The following SH3PXD2B variants were observed in gnomAD, a reference collection of about 807,000 sequenced individuals.
SH3PXD2B encodes SH3 and PX domain-containing protein 2B.
In SH3PXD2B, 37 loss-of-function variants were observed where a neutral mutation model predicts 73.1. The ratio of observed to expected loss-of-function variants is 0.51; its 90% confidence interval spans 0.39 to 0.67. SH3PXD2B has a LOEUF of 0.67. Among genes scored for constraint, SH3PXD2B ranks in the 30% least tolerant of loss-of-function variants. The probability of loss-of-function intolerance (pLI) is 0.00; values close to 1 mark genes in which losing one functional copy is unlikely to be tolerated. For synonymous variants in SH3PXD2B, 457 were observed against 480.5 expected (o/e 0.95, Z 0.64); for missense variants, 1,053 against 1,197.8 (o/e 0.88, Z 1.78).
At position 172,336,144 on chromosome 5, in the gene SH3PXD2B, T is replaced by G; in HGVS notation, c.*2225A>C. The stretch of plus-strand genomic sequence containing the variant: ...AGTCTACTCAGCACCTAGCACAGAG[T>G]AGACACTCACAAAGTATCTGAAAGC... On this transcript the variant is annotated 3_prime_UTR_variant, in exon 13 of 13. Coordinates refer to ENST00000311601, the MANE Select transcript of SH3PXD2B (RefSeq NM_001017995.3). The G allele has an allele frequency of 4.1e-6, 4 of 986,646 alleles. No homozygotes were observed. The highest frequency in any genetic ancestry group is 1.1e-4 in the East Asian group (1 of 8,844). The allele number at this position is 986,646 out of a possible 1,614,324, so 61.1% of individuals were successfully genotyped here. A position where few individuals can be genotyped will look rare whatever the true frequency, so the allele number is the denominator to read the frequency against.
At chr5:172,325,667 A>G (rs985005745) in intron 12 of SH3PXD2B, among the ~76,000 whole-genome samples, 1 of 152,176 alleles carries the variant, frequency 6.6e-6, no homozygotes, top group African/African-American at 2.4e-5. Context: ...GCTGAAACAC[A>G]CTTCCTCTGT....
chr5:172,339,352 T>C lies in SH3PXD2B; in HGVS notation c.1753A>G (p.Ser585Gly). 6.2e-7 allele frequency: 1 copy of C among 1,614,212 alleles called. No homozygotes were observed. Among genetic ancestry groups the C allele is most frequent in the African/African-American group, 1.3e-5 (1 of 75,058 alleles). Residue 585 changes from serine (S) to glycine (G), a missense_variant, in exon 13 of 13, where the codon AGC (serine) becomes GGC (glycine). Around this residue, in one of 2 missense-constraint regions of SH3PXD2B, gnomAD observed 587 missense variants for 590.7 expected, o/e 0.99. Transcript: ENST00000311601. The surrounding 1 kb of genome is among the most constrained non-coding windows in gnomAD (Gnocchi z 6.1). ...SRRPEPKPDK[S>G]RLFQLKNDMG... ...TCATTTTTCAGCTGGAACAGTCTGCTTTTGTCAGGTTTGGGCTCTGGCCTC... is the reference window on the plus strand; with the variant it reads ...TCATTTTTCAGCTGGAACAGTCTGCCTTTGTCAGGTTTGGGCTCTGGCCTC...
At chr5:172,416,690 CTCTCTCTTTTTTTTT>C (rs1758831092) in intron 2 of SH3PXD2B, among the ~76,000 whole-genome samples, 2 of 95,162 alleles carry the variant, frequency 2.1e-5, no homozygotes, top group South Asian at 3.7e-4. Context: ...CTCTCTCTCT[CTCTCTCTTTTTTTTT>C]TTTTTTTTTT....
chr5:172,335,806 T>A lies in SH3PXD2B; in HGVS notation c.*2563A>T, dbSNP rs979423272. 20 of 1,229,736 alleles carry A rather than the reference T, an allele frequency of 1.6e-5. No homozygotes were observed. Among genetic ancestry groups the A allele is most frequent in the Non-Finnish European group, 1.9e-5 (19 of 987,448 alleles). 76.2% of individuals were successfully genotyped at this position (1,229,736 alleles called of 1,614,324 possible). On this transcript the variant is annotated 3_prime_UTR_variant, in exon 13 of 13. Transcript: ENST00000311601. The stretch of plus-strand genomic sequence containing the variant: ...CCACTGCCTGGGGAAGTGTCTACCA[T>A]TGTAGGAAAAGGAGCTGGATACAGA...
intron 3 of SH3PXD2B, among the ~76,000 whole-genome samples, chr5:172,405,364 T>C (rs1758527726): frequency 6.6e-6 from 1 of 152,212 alleles, no homozygotes; most frequent in Non-Finnish European, 1.5e-5. Context: ...CCTGGATTAG[T>C]CAGGTAATAA....
chr5:172,362,019 TG>T (rs1357654842), intron 7 of SH3PXD2B, among the ~76,000 whole-genome samples: 1 of 152,132 alleles, frequency 6.6e-6, no homozygotes, highest in Non-Finnish European at 1.5e-5. Flanking sequence ...TTGCCTTCAA[TG>T]GGGTGCAATG....
chr5:172,439,667 TGTGC>T (rs1169726668), intron 1 of SH3PXD2B, among the ~76,000 whole-genome samples: 4 of 121,224 alleles, frequency 3.3e-5, no homozygotes, highest in Admixed American at 2.4e-4. Context: ...CAGGTATGTG[TGTGC>T]GTGCGTGCGC....
Position 172,421,601 on chromosome 5 carries a change from C to T in SH3PXD2B, c.156+815G>A, listed in dbSNP as rs1210000589. ...GCACAGAATGGGTGGCCCTCGCTGG[C>T]CAGGGAACAAAGGCAAGGTTTCCTA... On this transcript the variant is annotated intron_variant, in intron 2 of 12. Coordinates refer to ENST00000311601, the MANE Select transcript of SH3PXD2B (RefSeq NM_001017995.3). The surrounding 1 kb of genome is among the most constrained non-coding windows in gnomAD (Gnocchi z 4.0). Among the ~76,000 whole-genome samples the T allele has an allele frequency of 6.6e-6, 1 of 152,144 alleles. No individual in the cohort carries two copies. The highest frequency in any genetic ancestry group is 1.5e-5 in the Non-Finnish European group (1 of 68,042).
chr5:172,390,813 TTTTGTGTGTG>T lies in SH3PXD2B; in HGVS notation c.309+3740_309+3749del, dbSNP rs1413347656. On this transcript the variant is annotated intron_variant, in intron 4 of 12. Coordinates refer to ENST00000311601, the MANE Select transcript of SH3PXD2B (RefSeq NM_001017995.3). ...CTGTCTTCCAAAGTAGCTTCCCGTCTTTTGTGTGTGTGTGTGTGTGTGTGTGTGTGTGTGT... is the reference window on the plus strand; with the variant it reads ...CTGTCTTCCAAAGTAGCTTCCCGTCTTGTGTGTGTGTGTGTGTGTGTGTGT... 2.4e-3 allele frequency among the ~76,000 whole-genome samples: 275 copies of T among 116,858 alleles called. 3 individuals are homozygous for T. Among genetic ancestry groups the T allele is most frequent in the African/African-American group, 9.1e-3 (257 of 28,102 alleles). The allele number at this position is 116,858 out of a possible 152,430, so 76.7% of individuals were successfully genotyped here.
chr5:172,377,374 C>T (rs1158136860), intron 5 of SH3PXD2B, among the ~76,000 whole-genome samples: 1 of 152,190 alleles, frequency 6.6e-6, no homozygotes, highest in African/African-American at 2.4e-5. Flanking sequence ...CCCTCAAGTT[C>T]ACCATCCCTA....
At position 172,353,451 on chromosome 5, in the gene SH3PXD2B, T is replaced by C. The variant is rs1239479529; in HGVS notation, c.785+437A>G. ...GTGTTTGGAATGCAGACGCCCTGCT[T>C]TTACCATTGGACTTTGAGAGACGAG... On this transcript the variant is annotated intron_variant, in intron 9 of 12. Transcript: ENST00000311601. The surrounding 1 kb of genome is among the most constrained non-coding windows in gnomAD (Gnocchi z 4.3). 1.3e-5 allele frequency among the ~76,000 whole-genome samples: 2 copies of C among 152,178 alleles called. No homozygotes were observed. The highest frequency in any genetic ancestry group is 4.8e-5 in the African/African-American group (2 of 41,448).
chr5:172,377,648 G>A (rs1757846882), intron 5 of SH3PXD2B, among the ~76,000 whole-genome samples: 1 of 152,122 alleles, frequency 6.6e-6, no homozygotes, highest in Non-Finnish European at 1.5e-5. Context: ...TTTGTCCAAG[G>A]TCACACAGCT....
intron 3 of SH3PXD2B, among the ~76,000 whole-genome samples, chr5:172,396,198 C>CAA (rs571850981): frequency 1.1e-4 from 9 of 78,378 alleles, no homozygotes; most frequent in East Asian, 4.0e-4. Flanking sequence ...ACTAAAAATA[C>CAA]AAAAAAAAAA....
intron 2 of SH3PXD2B, among the ~76,000 whole-genome samples, chr5:172,413,909 A>C (rs1758757880): frequency 6.6e-6 from 1 of 152,208 alleles, no homozygotes; most frequent in South Asian, 2.1e-4. Context: ...ATTTGGATAA[A>C]TATGGTTGGT....
chr5:172,415,646 G>A (rs1039528777), intron 2 of SH3PXD2B, among the ~76,000 whole-genome samples: 18 of 152,176 alleles, frequency 1.2e-4, no homozygotes, highest in African/African-American at 3.4e-4. Flanking sequence ...AGTGACTGCC[G>A]ATATTGTTAC....
intron 2 of SH3PXD2B, among the ~76,000 whole-genome samples, chr5:172,418,809 C>A (rs1758884154): frequency 6.6e-6 from 1 of 152,168 alleles, no homozygotes; most frequent in Non-Finnish European, 1.5e-5. Flanking sequence ...GTCACGGCAA[C>A]CCCCCAGTTA....
intron 1 of SH3PXD2B, among the ~76,000 whole-genome samples, chr5:172,443,224 C>G (rs1290767560): frequency 6.6e-6 from 1 of 152,182 alleles, no homozygotes; most frequent in Non-Finnish European, 1.5e-5. Context: ...CACGCAACGA[C>G]TGTCAAGTAA....
chr5:172,347,483 A>T, intron 10 of SH3PXD2B, 151 bp from the exon 11 acceptor site: 1 of 782,718 alleles, frequency 1.3e-6, no homozygotes, highest in South Asian at 1.5e-5. Flanking sequence ...CTGGGCAGGA[A>T]GGAGCTGCTC....
In SH3PXD2B at chr5:172,447,440, T is replaced by C. The variant is rs185694728; in HGVS notation, c.75+6838A>G. Among the ~76,000 whole-genome samples the C allele has an allele frequency of 1.3e-4, 20 of 152,370 alleles. No homozygotes were observed. The East Asian group carries it at 2.5e-3, about 19-fold the overall frequency. On this transcript the variant is annotated intron_variant, in intron 1 of 12. Coordinates refer to ENST00000311601, the MANE Select transcript of SH3PXD2B (RefSeq NM_001017995.3). ...GCATCTCTACTGATGCACTTTTAAG[T>C]AGTTACCAACCTTTTATGATCATAA... is the stretch of plus-strand genomic sequence containing the variant.
Sources: allele counts gnomAD v4.1 joint callset (sites outside exome capture counted in the v4.1 genomes callset), GRCh38; gene constraint gnomAD v4.1.1; regional missense constraint gnomAD v4.1.1; non-coding constraint Gnocchi (gnomAD v3.1); transcripts MANE v1.5; gene names NCBI Gene and HGNC (gene_info 2026-07-23, HGNC 2026-07-21).